PTPRT: variants seen among roughly 807,000 people sequenced by gnomAD.
PTPRT encodes receptor-type tyrosine-protein phosphatase T.
Under a neutral mutation model 176.8 loss-of-function variants are expected in PTPRT, and 56 were observed. The observed-to-expected ratio is 0.32, with a 90% confidence interval of 0.26 to 0.40. The LOEUF is 0.40. PTPRT is among the 10% of genes least tolerant of loss of function. The probability of loss-of-function intolerance (pLI) is 1.00; values close to 1 mark genes in which losing one functional copy is unlikely to be tolerated. For synonymous variants in PTPRT, 783 were observed against 739.0 expected (o/e 1.06, Z -0.96); for missense variants, 1,540 against 1,908.2 (o/e 0.81, Z 3.60).
intron 1 of PTPRT, among the ~76,000 whole-genome samples, chr20:43,055,765 C>A (rs1176693374): frequency 6.6e-6 from 1 of 152,192 alleles, no homozygotes; most frequent in Non-Finnish European, 1.5e-5. Flanking sequence ...TTACTGCTTT[C>A]CTGACTAAAC....
chr20:42,569,845 A>T (rs1376941579), intron 7 of PTPRT, among the ~76,000 whole-genome samples: 1 of 152,196 alleles, frequency 6.6e-6, no homozygotes, highest in Non-Finnish European at 1.5e-5. Context: ...TTATGAGCTA[A>T]ATAAATGTTC....
intron 7 of PTPRT, among the ~76,000 whole-genome samples, chr20:42,476,254 T>C (rs1047392132): frequency 4.6e-5 from 7 of 152,182 alleles, no homozygotes; most frequent in African/African-American, 4.8e-5. Flanking sequence ...GTATCACTTA[T>C]GCTGAGACTC....
Position 42,414,919 on chromosome 20 carries a change from A to G in PTPRT, c.1560+33301T>C, listed in dbSNP as rs534631167. Among the ~76,000 whole-genome samples, 33 of 152,334 alleles carry G rather than the reference A, an allele frequency of 2.2e-4. No individual in the cohort carries two copies. In the South Asian group the frequency reaches 6.4e-3, roughly 30 times the overall value. Reference sequence around the variant, plus strand: ...GAAAAATAAGTGTGTGAGAATATCCAGAAAGTGTTTGAAAAAGATAGCGGG... The same window carrying G: ...GAAAAATAAGTGTGTGAGAATATCCGGAAAGTGTTTGAAAAAGATAGCGGG... On this transcript the variant is annotated intron_variant, in intron 9 of 30. Transcript: ENST00000373187.
At chr20:43,144,111 T>A (rs1204381421) in intron 1 of PTPRT, among the ~76,000 whole-genome samples, 1 of 152,064 alleles carries the variant, frequency 6.6e-6, no homozygotes. Flanking sequence ...CAGATATCCA[T>A]CCACTTCCAC....
intron 13 of PTPRT, among the ~76,000 whole-genome samples, chr20:42,282,281 AAT>A (rs982092677): frequency 1.3e-5 from 2 of 152,140 alleles, no homozygotes; most frequent in African/African-American, 2.4e-5. Context: ...CCATTCAGTA[AAT>A]ATGTTTTAAA....
chr20:43,112,672 C>A (rs1381893998), intron 1 of PTPRT, among the ~76,000 whole-genome samples: 1 of 152,146 alleles, frequency 6.6e-6, no homozygotes, highest in African/African-American at 2.4e-5. Context: ...TGAATCTGCC[C>A]GGCTTCAAAA....
At chr20:42,232,113 T>C (rs945068738) in intron 15 of PTPRT, among the ~76,000 whole-genome samples, 1 of 152,228 alleles carries the variant, frequency 6.6e-6, no homozygotes, top group East Asian at 1.9e-4. Flanking sequence ...TGCTAACTCC[T>C]ATATACCCAG....
At chr20:42,990,064 C>G (rs1377752531) in intron 1 of PTPRT, among the ~76,000 whole-genome samples, 1 of 152,188 alleles carries the variant, frequency 6.6e-6, no homozygotes, top group Non-Finnish European at 1.5e-5. Context: ...GCCTAAGTAT[C>G]ATGACACGCA....
At chr20:42,819,771 A>G (rs1452478257) in intron 2 of PTPRT, among the ~76,000 whole-genome samples, 1 of 152,202 alleles carries the variant, frequency 6.6e-6, no homozygotes, top group Non-Finnish European at 1.5e-5. Context: ...AGGGGTTGCA[A>G]TCCTAATCTC....
chr20:42,041,646 G>A, the PTPRT span, among the ~76,000 whole-genome samples: 1 of 152,158 alleles, frequency 6.6e-6, no homozygotes, highest in Admixed American at 6.5e-5. Flanking sequence ...TTCCATTGCA[G>A]GCTGTGCAAC....
At chr20:42,395,072 C>G (rs1055257670) in intron 9 of PTPRT, among the ~76,000 whole-genome samples, 2 of 152,172 alleles carry the variant, frequency 1.3e-5, no homozygotes, top group Non-Finnish European at 2.9e-5. Flanking sequence ...CGTTGTAACT[C>G]CTGTCTGCTA....
At chr20:42,808,370 C>T (rs562579796) in intron 2 of PTPRT, among the ~76,000 whole-genome samples, 4 of 152,224 alleles carry the variant, frequency 2.6e-5, no homozygotes, top group South Asian at 2.1e-4. Context: ...GGGACATTTG[C>T]GTTGGTTCTT....
At chr20:43,179,718 C>T (rs1209497947) in intron 1 of PTPRT, among the ~76,000 whole-genome samples, 2 of 152,214 alleles carry the variant, frequency 1.3e-5, no homozygotes, top group African/African-American at 2.4e-5. Context: ...AAGCCTGACA[C>T]TGAACTGGCA....
intron 7 of PTPRT, among the ~76,000 whole-genome samples, chr20:42,615,188 T>C (rs1291479322): frequency 7.6e-6 from 1 of 131,390 alleles, no homozygotes; most frequent in Non-Finnish European, 1.6e-5. Flanking sequence ...TATGCGGTGT[T>C]TGGTTTTTTG....
chr20:43,020,112 A>G (rs3030232), intron 1 of PTPRT, among the ~76,000 whole-genome samples: 99,766 of 135,654 alleles, frequency 0.74, 36,786 homozygotes, highest in South Asian at 0.88. Flanking sequence ...GTGTGTGTGT[A>G]TATATATATA....
chr20:42,802,906 CA>C lies in PTPRT; in HGVS notation c.215-11441del, dbSNP rs1353815104. 3.3e-5 allele frequency among the ~76,000 whole-genome samples: 5 copies of C among 152,094 alleles called. No individual in the cohort carries two copies. The East Asian group carries it at 9.6e-4, about 29-fold the overall frequency. ...ATCTGAAAAATGGAGGTGATGATGG[CA>C]AAAGTTGTACATGCTTCCTAGGCTT... On this transcript the variant is annotated intron_variant, in intron 2 of 30. Coordinates refer to ENST00000373187, the MANE Select transcript of PTPRT (RefSeq NM_007050.6).
chr20:43,023,208 C>T (rs206156), intron 1 of PTPRT, among the ~76,000 whole-genome samples: 103,295 of 152,068 alleles, frequency 0.68, 37,960 homozygotes, highest in South Asian at 0.89. Flanking sequence ...TGGCCCTACA[C>T]CTCTGAAGTG....
chr20:42,466,474 T>A (rs1224240639), intron 8 of PTPRT, among the ~76,000 whole-genome samples: 3 of 152,188 alleles, frequency 2.0e-5, no homozygotes, highest in African/African-American at 7.2e-5. Context: ...ATACCCTCAG[T>A]GGTATACAGC....
At position 42,142,015 on chromosome 20, in the gene PTPRT, G is replaced by A; in HGVS notation, c.2683-13C>T. The A allele has an allele frequency of 6.2e-6, 10 of 1,611,888 alleles. No individual in the cohort carries two copies. The highest frequency in any genetic ancestry group is 8.5e-6 in the Non-Finnish European group (10 of 1,178,006). ...CCTCTGGTAAGGCCTAAAAAGCAAG[G>A]ACAGAGTGGTTAGAGTGGCCTGAGA... On this transcript the variant is annotated splice_polypyrimidine_tract_variant and intron_variant, in intron 17 of 30. Transcript: ENST00000373187.
Sources: gnomAD v4.1 joint callset for allele counts (sites outside exome capture counted in the v4.1 genomes callset) on GRCh38, gnomAD v4.1.1 for gene constraint, MANE v1.5 for transcripts, NCBI Gene and HGNC (gene_info 2026-07-23, HGNC 2026-07-21) for gene names.